The following FBXO31 variants were observed in gnomAD, a reference collection of about 807,000 sequenced individuals.
The protein encoded by FBXO31 is F-box protein 31, also known as F-box only protein 31.
Under a neutral mutation model 54.4 loss-of-function variants are expected in FBXO31, and 24 were observed. The ratio of observed to expected loss-of-function variants is 0.44; its 90% CI spans 0.32 to 0.62. FBXO31 has a LOEUF of 0.62. Ranked by LOEUF, FBXO31 falls within the 20% of genes least tolerant of loss-of-function variation. The pLI, the probability that FBXO31 is intolerant of heterozygous loss-of-function variation, is 0.05. For missense variants in FBXO31, 665 were observed against 787.1 expected (o/e 0.84, Z 1.86); for synonymous variants, 388 against 335.6 (o/e 1.16, Z -1.71).
At chr16:87,337,174 T>A (rs949500124) in intron 5 of FBXO31, among the ~76,000 whole-genome samples, 4 of 152,132 alleles carry the variant, frequency 2.6e-5, no homozygotes, top group Non-Finnish European at 5.9e-5. Flanking sequence ...AAATAAAATT[T>A]AAAAAAATTC....
chr16:87,369,118 T>C (rs1468338770), intron 1 of FBXO31, among the ~76,000 whole-genome samples: 1 of 152,102 alleles, frequency 6.6e-6, no homozygotes, highest in African/African-American at 2.4e-5. Context: ...ATTTTTTTCA[T>C]TTCCTCTTGT....
At chr16:87,386,998 A>T (rs1369968449), upstream of FBXO31, among the ~76,000 whole-genome samples, 4 of 152,158 alleles carry the variant, frequency 2.6e-5, no homozygotes, top group Non-Finnish European at 5.9e-5. Flanking sequence ...AGCACTGACC[A>T]TTTAGAATAG....
At chr16:87,363,101 A>G (rs552455484) in intron 1 of FBXO31, among the ~76,000 whole-genome samples, 77 of 151,746 alleles carry the variant, frequency 5.1e-4, no homozygotes, top group African/African-American at 1.7e-3. Context: ...AAATAAAACA[A>G]AAGCCGGGCG....
intron 1 of FBXO31, among the ~76,000 whole-genome samples, chr16:87,368,392 A>G (rs572395862): frequency 1.3e-5 from 2 of 152,372 alleles, no homozygotes; most frequent in South Asian, 2.1e-4. Flanking sequence ...TAAGTCATCA[A>G]GGGAAACTGC....
chr16:87,385,629 G>A (rs1007289437), upstream of FBXO31, among the ~76,000 whole-genome samples: 2 of 152,208 alleles, frequency 1.3e-5, no homozygotes, highest in Non-Finnish European at 2.9e-5. Flanking sequence ...ATGATCAAAG[G>A]TTCTTTGAGG....
intron 1 of FBXO31, among the ~76,000 whole-genome samples, chr16:87,368,098 G>A (rs1424212969): frequency 6.6e-6 from 1 of 152,172 alleles, no homozygotes; most frequent in Non-Finnish European, 1.5e-5. Context: ...TACCAAGTAG[G>A]AGATGAAATC....
At chr16:87,359,967 T>C (rs557912302) in intron 2 of FBXO31, among the ~76,000 whole-genome samples, 8 of 152,346 alleles carry the variant, frequency 5.3e-5, no homozygotes, top group East Asian at 1.9e-4. Context: ...AGTCCCATCC[T>C]GAAGGCTGGA....
At chr16:87,344,223 C>T (rs901023450) in intron 3 of FBXO31, among the ~76,000 whole-genome samples, 1 of 152,230 alleles carries the variant, frequency 6.6e-6, no homozygotes, top group Non-Finnish European at 1.5e-5. Context: ...CACCCCCTTT[C>T]TTAGGGCGCT....
intron 3 of FBXO31, among the ~76,000 whole-genome samples, chr16:87,344,350 C>T (rs778944333): frequency 6.6e-6 from 1 of 152,182 alleles, no homozygotes; most frequent in East Asian, 1.9e-4. Flanking sequence ...CGGGAAGAGC[C>T]GAGGAGTGCG....
At chr16:87,391,344 G>A (rs957683335), upstream of FBXO31, among the ~76,000 whole-genome samples, 1 of 152,216 alleles carries the variant, frequency 6.6e-6, no homozygotes, top group African/African-American at 2.4e-5. Context: ...TTCCTACAGA[G>A]ACACATTGGC....
At chr16:87,373,930 T>C (rs1309373918) in intron 1 of FBXO31, among the ~76,000 whole-genome samples, 1 of 152,178 alleles carries the variant, frequency 6.6e-6, no homozygotes, top group Non-Finnish European at 1.5e-5. Context: ...TGTGACAGGA[T>C]TACATTCCAA....
intron 1 of FBXO31, among the ~76,000 whole-genome samples, chr16:87,389,206 A>G (rs1337877715): frequency 6.6e-6 from 1 of 152,198 alleles, no homozygotes; most frequent in African/African-American, 2.4e-5. Context: ...CATGGGAATG[A>G]AACCTATGAG....
intron 3 of FBXO31, among the ~76,000 whole-genome samples, chr16:87,344,829 G>A (rs947707111): frequency 3.9e-5 from 6 of 152,080 alleles, no homozygotes; most frequent in African/African-American, 7.2e-5. Flanking sequence ...TCTCCACAGC[G>A]GCTCCCAGCA....
At chr16:87,332,559 CCT>C (rs1904897154) in intron 8 of FBXO31, among the ~76,000 whole-genome samples, 1 of 152,226 alleles carries the variant, frequency 6.6e-6, no homozygotes, top group South Asian at 2.1e-4. Flanking sequence ...TATTTGTATG[CCT>C]CTCTCTGTAA....
chr16:87,370,089 G>C (rs915581796), intron 1 of FBXO31, among the ~76,000 whole-genome samples: 2 of 152,132 alleles, frequency 1.3e-5, no homozygotes, highest in Non-Finnish European at 2.9e-5. Flanking sequence ...GCCTGAATGG[G>C]GCCTGCATCT....
At chr16:87,379,223 G>A (rs1182264988) in intron 1 of FBXO31, among the ~76,000 whole-genome samples, 1 of 152,072 alleles carries the variant, frequency 6.6e-6, no homozygotes, top group Admixed American at 6.6e-5. Flanking sequence ...CCACATCCCA[G>A]GTTCAAGCAA....
chr16:87,343,258 G>A (rs569723123), intron 4 of FBXO31, among the ~76,000 whole-genome samples: 2 of 152,392 alleles, frequency 1.3e-5, no homozygotes, highest in African/African-American at 2.4e-5. Context: ...TGTGCTCACC[G>A]TGGGGGCCAC....
intron 5 of FBXO31, among the ~76,000 whole-genome samples, chr16:87,341,430 T>C (rs765089955): frequency 6.6e-6 from 1 of 151,146 alleles, no homozygotes; most frequent in Non-Finnish European, 1.5e-5. Context: ...CCGAGATGGG[T>C]GGATCGCCTG....
At chr16:87,340,005 G>A (rs1049608686) in intron 5 of FBXO31, among the ~76,000 whole-genome samples, 7 of 152,216 alleles carry the variant, frequency 4.6e-5, no homozygotes, top group African/African-American at 7.2e-5. Flanking sequence ...GAATTCGGCC[G>A]GGCGCGGTGG....
Sources: allele counts gnomAD v4.1 joint callset (sites outside exome capture counted in the v4.1 genomes callset), GRCh38; gene constraint gnomAD v4.1.1; transcripts MANE v1.5; gene names NCBI Gene and HGNC (gene_info 2026-07-23, HGNC 2026-07-21).